SLC30A8: variants seen among roughly 807,000 people sequenced by gnomAD.
SLC30A8 encodes the protein solute carrier family 30 member 8, also known as proton-coupled zinc antiporter SLC30A8.
In SLC30A8, 27 loss-of-function variants were observed where a neutral mutation model predicts 36.9. The observed-to-expected ratio is 0.73, with a 90% CI of 0.54 to 1.01. The LOEUF (loss-of-function observed/expected upper bound fraction) is 1.01. Ranked by LOEUF, SLC30A8 falls within the 50% of genes least tolerant of loss-of-function variation. The pLI is 0.00. For synonymous variants in SLC30A8, 164 were observed against 172.4 expected, an observed-to-expected ratio of 0.95 and a Z score of 0.38; for missense variants, 439 against 452.0, an observed-to-expected ratio of 0.97 and a Z score of 0.26.
In SLC30A8 at chr8:117,029,318, T is replaced by C. The variant is rs573694128; in HGVS notation, c.-265-9901T>C. Among the ~76,000 whole-genome samples, 3 of 152,302 alleles carry C rather than the reference T, an allele frequency of 2.0e-5. No individual in the cohort carries two copies. The South Asian group carries it at 6.2e-4, about 32-fold the overall frequency. On this transcript the variant is annotated intron_variant, in intron 1 of 10. Transcript: ENST00000427715. ...TGCAATTGTCATAAGAAATTCAGCA[T>C]TGCATTCTGGTAACCTACTCACCTT...
intron 1 of SLC30A8, among the ~76,000 whole-genome samples, chr8:117,037,395 C>T (rs1049118023): frequency 1.3e-5 from 2 of 152,182 alleles, no homozygotes; most frequent in African/African-American, 4.8e-5. Flanking sequence ...GGAATCCTAG[C>T]ACCTTTTGGT....
intron 1 of SLC30A8, among the ~76,000 whole-genome samples, chr8:117,037,508 C>A (rs1242902477): frequency 6.6e-6 from 1 of 152,034 alleles, no homozygotes; most frequent in South Asian, 2.1e-4. Context: ...CCACTGCCCC[C>A]CTCACCCACC....
At chr8:117,096,290 T>C (rs1000323301) in intron 2 of SLC30A8, among the ~76,000 whole-genome samples, 2 of 152,190 alleles carry the variant, frequency 1.3e-5, no homozygotes, top group Admixed American at 6.5e-5. Flanking sequence ...TGCTAACCAA[T>C]AGAGGCACTT....
intron 2 of SLC30A8, among the ~76,000 whole-genome samples, chr8:117,094,735 G>A (rs1029191278): frequency 3.3e-5 from 5 of 152,296 alleles, no homozygotes; most frequent in Middle Eastern, 3.4e-3. Context: ...CCTGGGACCC[G>A]TCCCTTTCCA....
At chr8:117,042,738 T>C (rs1012320841) in intron 2 of SLC30A8, among the ~76,000 whole-genome samples, 1 of 152,040 alleles carries the variant, frequency 6.6e-6, no homozygotes, top group African/African-American at 2.4e-5. Flanking sequence ...TGCAGTGGCA[T>C]GATCTTGGAT....
At chr8:117,127,875 G>A (rs897942216) in intron 2 of SLC30A8, among the ~76,000 whole-genome samples, 4 of 152,020 alleles carry the variant, frequency 2.6e-5, no homozygotes, top group Admixed American at 6.6e-5. Flanking sequence ...TAAAATGTTG[G>A]CAATGCTGTG....
At chr8:117,051,853 G>C (rs1817721096) in intron 2 of SLC30A8, among the ~76,000 whole-genome samples, 1 of 151,770 alleles carries the variant, frequency 6.6e-6, no homozygotes, top group Admixed American at 6.6e-5. Context: ...ACCGAGCCTG[G>C]CACCTCCTCA....
At chr8:116,974,114 A>G (rs896294293) in intron 1 of SLC30A8, among the ~76,000 whole-genome samples, 4 of 152,222 alleles carry the variant, frequency 2.6e-5, no homozygotes, top group African/African-American at 7.2e-5. Flanking sequence ...AATACCATTC[A>G]GGACATAGGC....
chr8:117,146,826 T>G, intron 1 of SLC30A8, 128 bp from the exon 2 acceptor site: 1 of 1,456,114 alleles, frequency 6.9e-7, no homozygotes, highest in Non-Finnish European at 9.1e-7. Flanking sequence ...TAGAAGGAGC[T>G]GCAAATGAAC....
In SLC30A8 at chr8:117,119,703, A is replaced by T. The variant is rs1444615970; in HGVS notation, c.-225-15577A>T. Among the ~76,000 whole-genome samples the T allele has an allele frequency of 2.6e-5, 4 of 151,914 alleles. No individual in the cohort carries two copies. In the East Asian group the frequency reaches 7.7e-4, roughly 29 times the overall value. Reference sequence around the variant, plus strand: ...TGCAGGAGACAGAGAGTTTTGGGAGATGGTAGAAGCTATAGTAGTACAGCA... The same window carrying T: ...TGCAGGAGACAGAGAGTTTTGGGAGTTGGTAGAAGCTATAGTAGTACAGCA... On this transcript the variant is annotated intron_variant, in intron 2 of 10. Coordinates refer to the SLC30A8 transcript ENST00000427715.
chr8:117,125,497 A>G (rs943391527), intron 2 of SLC30A8, among the ~76,000 whole-genome samples: 1 of 151,968 alleles, frequency 6.6e-6, no homozygotes, highest in Non-Finnish European at 1.5e-5. Flanking sequence ...TGTGTATGGG[A>G]AACTTGTGCT....
rs1460251852 is a variant in SLC30A8 at position 117,176,580 on chromosome 8, G to A, written c.*3899G>A. The A allele has an allele frequency of 2.6e-5, 4 of 152,430 alleles. No homozygotes were observed. The Admixed American group carries it at 2.6e-4, about 10-fold the overall frequency. The allele number at this position is 152,430 out of a possible 1,614,324, so 9.4% of individuals were successfully genotyped here. A position where few individuals can be genotyped will look rare whatever the true frequency, so the allele number is the denominator to read the frequency against. Reference sequence around the variant, plus strand: ...GGCGGATGTTAAAAAAAATAAAAAGGTGACCATCTGCGGTTTAGTTTTTTA... The same window carrying A: ...GGCGGATGTTAAAAAAAATAAAAAGATGACCATCTGCGGTTTAGTTTTTTA... On this transcript the variant is annotated 3_prime_UTR_variant, in exon 8 of 8. Transcript: ENST00000456015.
intron 1 of SLC30A8, chr8:117,018,249 T>C (rs1367572188): frequency 6.6e-6 from 1 of 150,896 alleles, no homozygotes; most frequent in Non-Finnish European, 1.5e-5. Flanking sequence ...CCTTGTCTCT[T>C]ATAAATAAAT....
intron 1 of SLC30A8, among the ~76,000 whole-genome samples, chr8:117,006,391 T>C (rs1456102800): frequency 1.3e-5 from 2 of 152,192 alleles, no homozygotes; most frequent in African/African-American, 4.8e-5. Flanking sequence ...GCCCTCACCC[T>C]GCTCTTCCCA....
At chr8:116,968,974 A>T (rs1205500114) in intron 1 of SLC30A8, among the ~76,000 whole-genome samples, 1 of 151,878 alleles carries the variant, frequency 6.6e-6, no homozygotes, top group African/African-American at 2.4e-5. Context: ...TGACCTTGTG[A>T]TGTGCCCGCC....
chr8:117,022,089 A>G (rs1816715591), intron 1 of SLC30A8, among the ~76,000 whole-genome samples: 1 of 151,912 alleles, frequency 6.6e-6, no homozygotes, highest in Non-Finnish European at 1.5e-5. Context: ...AGTCCCAGCT[A>G]CTCGGGAGGC....
intron 6 of SLC30A8, among the ~76,000 whole-genome samples, chr8:117,164,877 G>A (rs1236081676): frequency 6.6e-6 from 1 of 152,064 alleles, no homozygotes; most frequent in Non-Finnish European, 1.5e-5. Context: ...GGCTCTTTGA[G>A]TCTTCCAACT....
chr8:117,054,327 C>T (rs1817801579), intron 2 of SLC30A8, among the ~76,000 whole-genome samples: 1 of 151,956 alleles, frequency 6.6e-6, no homozygotes, highest in East Asian at 1.9e-4. Flanking sequence ...TTTTGGACTG[C>T]TGGGTTCGAG....
chr8:117,068,245 G>C (rs1818227081), intron 2 of SLC30A8, among the ~76,000 whole-genome samples: 1 of 152,140 alleles, frequency 6.6e-6, no homozygotes. Context: ...TTTCCATCAG[G>C]GGTTCTGGGA....
Sources: gnomAD v4.1 joint callset for allele counts (sites outside exome capture counted in the v4.1 genomes callset) on GRCh38, gnomAD v4.1.1 for gene constraint, MANE v1.5 for transcripts, NCBI Gene and HGNC (gene_info 2026-07-23, HGNC 2026-07-21) for gene names.